The following ACACA variants were observed in gnomAD, a reference collection of about 807,000 sequenced individuals.
The protein encoded by ACACA is acetyl-CoA carboxylase 1.
A neutral mutation model predicts 296.1 loss-of-function variants in ACACA; 103 were observed. The observed-to-expected ratio is 0.35, with a 90% CI of 0.30 to 0.41. ACACA has a LOEUF of 0.41. ACACA is among the 10% of genes least tolerant of loss of function. ACACA has a pLI of 1.00. For synonymous variants in ACACA, 953 were observed against 1,038.6 expected, an observed-to-expected ratio of 0.92 and a Z score of 1.58; for missense variants, 1,554 against 2,989.7, an observed-to-expected ratio of 0.52 and a Z score of 11.20.
At position 37,097,242 on chromosome 17, in the gene ACACA, C is replaced by A. The variant is rs1465441152; in HGVS notation, c.6721-76G>T. On this transcript the variant is annotated intron_variant, in intron 53 of 55. Coordinates refer to ENST00000616317, the MANE Select transcript of ACACA (RefSeq NM_198834.3). The surrounding 1 kb of genome is among the most constrained non-coding windows in gnomAD (Gnocchi z 4.8). Reference sequence around the variant, plus strand: ...CTCAGTCTGGAGGGAAACCCACAGGCATAAAAACTGATTCTCCAGGCAAGC... The same window carrying A: ...CTCAGTCTGGAGGGAAACCCACAGGAATAAAAACTGATTCTCCAGGCAAGC... 2 of 1,532,764 alleles carry A rather than the reference C, an allele frequency of 1.3e-6. No homozygotes were observed. The highest frequency in any genetic ancestry group is 1.8e-6 in the Non-Finnish European group (2 of 1,127,554). 94.9% of individuals were successfully genotyped at this position (1,532,764 alleles called of 1,614,324 possible).
At chr17:37,243,065 T>C (rs1259916559) in intron 22 of ACACA, among the ~76,000 whole-genome samples, 4 of 152,084 alleles carry the variant, frequency 2.6e-5, no homozygotes, top group Non-Finnish European at 5.9e-5. Flanking sequence ...AATCAATCAA[T>C]CAACTAATAT....
At chr17:37,149,829 G>A in intron 45 of ACACA, 35 bp downstream of exon 45, 1 of 1,536,336 alleles carries the variant, frequency 6.5e-7, no homozygotes, top group South Asian at 1.1e-5. Flanking sequence ...TCTTCAATCA[G>A]CTATGCATAC....
chr17:37,254,791 C>G (rs2081152243), intron 14 of ACACA, among the ~76,000 whole-genome samples: 1 of 151,560 alleles, frequency 6.6e-6, no homozygotes, highest in Admixed American at 6.6e-5. Context: ...CGAGACCAGC[C>G]TGGCCGACAT....
At chr17:37,249,688 A>G (rs1368241287) in intron 16 of ACACA, among the ~76,000 whole-genome samples, 1 of 152,250 alleles carries the variant, frequency 6.6e-6, no homozygotes, top group Non-Finnish European at 1.5e-5. Context: ...TAAAAAATAT[A>G]CTGTTGAGTT....
rs1598306579 is a variant in ACACA at position 37,248,465 on chromosome 17, A to G, written c.2163+128T>C. The G allele has an allele frequency of 4.9e-6, 4 of 818,604 alleles. No individual in the cohort carries two copies. The East Asian group carries it at 1.0e-4, about 21-fold the overall frequency. 50.7% of individuals were successfully genotyped at this position (818,604 alleles called of 1,614,324 possible). A position where few individuals can be genotyped will look rare whatever the true frequency, so the allele number is the denominator to read the frequency against. On this transcript the variant is annotated intron_variant, in intron 17 of 55. Coordinates refer to ENST00000616317, the MANE Select transcript of ACACA (RefSeq NM_198834.3). ...ACAAACGCTGCTTCAGGACACTGACAAAAATAATGACGGTAATTTCACTAA... is the reference window on the plus strand; with the variant it reads ...ACAAACGCTGCTTCAGGACACTGACGAAAATAATGACGGTAATTTCACTAA...
chr17:37,306,070 G>A lies in ACACA; in HGVS notation c.339-21100C>T, dbSNP rs577999026. Among the ~76,000 whole-genome samples, 267 of 151,824 alleles carry A rather than the reference G, an allele frequency of 1.8e-3. 1 individual carries two copies. Among genetic ancestry groups the A allele is most frequent in the African/African-American group, 6.0e-3 (250 of 41,412 alleles). The stretch of plus-strand genomic sequence containing the variant: ...ACTACAGGTGCCCGCCACCATGCCC[G>A]GCTAATTTTTTGTATTTTTAGTAGA... On this transcript the variant is annotated intron_variant, in intron 3 of 55. Coordinates refer to ENST00000616317, the MANE Select transcript of ACACA (RefSeq NM_198834.3).
intron 1 of ACACA, among the ~76,000 whole-genome samples, chr17:37,390,139 A>AAT (rs1568094348): frequency 5.6e-5 from 1 of 17,880 alleles, no homozygotes; most frequent in Non-Finnish European, 8.2e-5. Flanking sequence ...TAAAAAAAAA[A>AAT]GTATATATAT....
chr17:37,350,575 C>T (rs895083072), intron 1 of ACACA, among the ~76,000 whole-genome samples: 3 of 152,142 alleles, frequency 2.0e-5, no homozygotes, highest in Non-Finnish European at 4.4e-5. Flanking sequence ...CGTGGTGGTT[C>T]GCACCTGTAA....
rs60787242 is a variant in ACACA, at chr17:37,156,053, C to CTT, written c.5350-275_5350-274dup. On this transcript the variant is annotated intron_variant, in intron 42 of 55. Coordinates refer to ENST00000616317, the MANE Select transcript of ACACA (RefSeq NM_198834.3). ...TTCATTTCATTTTCTTTCTTTCTTT[C>CTT]TTTTTTTTTTTTTTTTTTTTTTTTT... 2.5e-3 allele frequency among the ~76,000 whole-genome samples: 238 copies of CTT among 93,992 alleles called. 7 individuals carry two copies. The highest frequency in any genetic ancestry group is 0.011 in the Middle Eastern group (1 of 94). 61.7% of individuals were successfully genotyped at this position (93,992 alleles called of 152,430 possible). A position where few individuals can be genotyped will look rare whatever the true frequency, so the allele number is the denominator to read the frequency against.
intron 43 of ACACA, among the ~76,000 whole-genome samples, chr17:37,151,660 T>A (rs903155057): frequency 6.6e-6 from 1 of 152,178 alleles, no homozygotes; most frequent in Admixed American, 6.5e-5. Flanking sequence ...ATTAAGCAGA[T>A]AGCCTTTTTT....
chr17:37,235,246 G>A (rs1320500984), intron 24 of ACACA, 147 bp from the exon 25 acceptor site: 7 of 1,072,818 alleles, frequency 6.5e-6, no homozygotes, highest in Admixed American at 4.1e-5. Context: ...TACAGAAACT[G>A]GCAATGTGAT....
intron 42 of ACACA, among the ~76,000 whole-genome samples, chr17:37,160,928 G>A (rs1000775750): frequency 6.6e-6 from 1 of 151,906 alleles, no homozygotes; most frequent in Non-Finnish European, 1.5e-5. Context: ...GGATGGAGGG[G>A]GTAGCAAAGA....
At position 37,321,779 on chromosome 17, in the gene ACACA, A is replaced by T. The variant is rs191665373; in HGVS notation, c.338+8394T>A. 1.7e-3 allele frequency among the ~76,000 whole-genome samples: 250 copies of T among 151,490 alleles called. 2 individuals carry two copies. The highest frequency in any genetic ancestry group is 5.7e-3 in the African/African-American group (237 of 41,322). ...ATAAATAAATAAATAATTAAAAAAAAATACAAATACAAAAATTAGCCGGGC... is the reference window on the plus strand; with the variant it reads ...ATAAATAAATAAATAATTAAAAAAATATACAAATACAAAAATTAGCCGGGC... On this transcript the variant is annotated intron_variant, in intron 3 of 55. Coordinates refer to ENST00000616317, the MANE Select transcript of ACACA (RefSeq NM_198834.3).
Position 37,191,914 on chromosome 17 carries a change from T to C in ACACA, c.4416+176A>G, listed in dbSNP as rs568483716. On this transcript the variant is annotated intron_variant, in intron 37 of 55. Coordinates refer to ENST00000616317, the MANE Select transcript of ACACA (RefSeq NM_198834.3). Reference sequence around the variant, plus strand: ...TAAAAAAAAAAAAGCCTTTATTATATGAAATATTTACTTTTGTAAACATTG... The same window carrying C: ...TAAAAAAAAAAAAGCCTTTATTATACGAAATATTTACTTTTGTAAACATTG... Among the ~76,000 whole-genome samples, 8 of 152,212 alleles carry C rather than the reference T, an allele frequency of 5.3e-5. No individual in the cohort carries two copies. The East Asian group carries it at 9.6e-4, about 18-fold the overall frequency.
intron 22 of ACACA, 37 bp from the exon 23 acceptor site, chr17:37,242,090 C>G (rs762150145): frequency 4.6e-6 from 7 of 1,523,782 alleles, no homozygotes; most frequent in Non-Finnish European, 5.5e-6. Context: ...GAGGCCCAAC[C>G]CAACAAAATG....
intron 45 of ACACA, chr17:37,144,305 T>C: frequency 1.8e-6 from 1 of 563,356 alleles, no homozygotes; most frequent in South Asian, 1.7e-5. Context: ...TAGTTGTTTT[T>C]CCACAGCGAG....
At chr17:37,391,810 T>C (rs2050897151) in intron 1 of ACACA, 7 of 1,178,136 alleles carry the variant, frequency 5.9e-6, no homozygotes, top group Non-Finnish European at 8.8e-6. Context: ...ATTTCACACT[T>C]GTATCTTCAG....
At chr17:37,289,292 T>C in intron 3 of ACACA, 1 of 413,900 alleles carries the variant, frequency 2.4e-6, no homozygotes, top group Non-Finnish European at 4.2e-6. Context: ...AAAAATCATT[T>C]AACTGTCCAC....
At chr17:37,104,641 G>T (rs2073559152) in intron 52 of ACACA, among the ~76,000 whole-genome samples, 3 of 152,108 alleles carry the variant, frequency 2.0e-5, no homozygotes, top group African/African-American at 7.2e-5. Context: ...TCTCCTCCAT[G>T]GTATCAAAGG....
Sources: allele counts gnomAD v4.1 joint callset (sites outside exome capture counted in the v4.1 genomes callset), GRCh38; gene constraint gnomAD v4.1.1; non-coding constraint Gnocchi (gnomAD v3.1); transcripts MANE v1.5; gene names NCBI Gene and HGNC (gene_info 2026-07-23, HGNC 2026-07-21).